AUTS2: variants seen among roughly 807,000 people sequenced by gnomAD.
AUTS2 encodes activator of transcription and developmental regulator AUTS2, also known as autism susceptibility gene 2 protein.
Under a neutral mutation model 112.4 loss-of-function variants are expected in AUTS2, and 17 were observed. The observed-to-expected ratio is 0.15, with a 90% CI of 0.10 to 0.23. The LOEUF (loss-of-function observed/expected upper bound fraction) is 0.23. Among genes scored for constraint, AUTS2 ranks in the 10% least tolerant of loss-of-function variants. AUTS2 has a pLI of 1.00. For synonymous variants in AUTS2, 751 were observed against 702.7 expected, an observed-to-expected ratio of 1.07 and a Z score of -1.09; for missense variants, 1,510 against 1,701.6, an observed-to-expected ratio of 0.89 and a Z score of 1.98.
chr7:70,370,714 CAG>C (rs1792801098), intron 4 of AUTS2, among the ~76,000 whole-genome samples: 1 of 152,178 alleles, frequency 6.6e-6, no homozygotes, highest in South Asian at 2.1e-4. Context: ...AGTGGAACTG[CAG>C]AGTCACTATC....
At chr7:70,389,512 T>C (rs1212606375) in intron 4 of AUTS2, among the ~76,000 whole-genome samples, 1 of 152,186 alleles carries the variant, frequency 6.6e-6, no homozygotes, top group Non-Finnish European at 1.5e-5. Context: ...GGTGGGTGAC[T>C]CTAATGAGCT....
At chr7:70,162,254 G>A (rs979781966) in intron 4 of AUTS2, among the ~76,000 whole-genome samples, 7 of 150,766 alleles carry the variant, frequency 4.6e-5, no homozygotes, top group South Asian at 2.1e-4. Flanking sequence ...AGACCATCCC[G>A]GCTAAAACGG....
chr7:70,299,537 G>A (rs1199694810), intron 4 of AUTS2, among the ~76,000 whole-genome samples: 1 of 152,190 alleles, frequency 6.6e-6, no homozygotes, highest in Non-Finnish European at 1.5e-5. Flanking sequence ...GCTTGAAAAT[G>A]AGCGTGTGGT....
chr7:70,581,421 G>A (rs1214840205), intron 5 of AUTS2, among the ~76,000 whole-genome samples: 2 of 152,162 alleles, frequency 1.3e-5, no homozygotes, highest in Non-Finnish European at 2.9e-5. Flanking sequence ...AGCCGGGTGC[G>A]ATGGCATGTG....
intron 2 of AUTS2, among the ~76,000 whole-genome samples, chr7:69,945,166 T>A (rs1416307798): frequency 6.6e-6 from 1 of 152,186 alleles, no homozygotes; most frequent in Admixed American, 6.5e-5. Flanking sequence ...TTCAGTGATT[T>A]TAGTATATTC....
At chr7:70,050,510 A>AG (rs753557140) in intron 2 of AUTS2, among the ~76,000 whole-genome samples, 70 of 151,930 alleles carry the variant, frequency 4.6e-4, no homozygotes, top group Admixed American at 1.2e-3. Flanking sequence ...CAGCTCTGTT[A>AG]TTAGCCTTCT....
In AUTS2 at chr7:70,308,007, A is replaced by C. The variant is rs1789564861; in HGVS notation, c.661-127745A>C. Reference sequence around the variant, plus strand: ...TCTTCTCTGCCTGCATGTTGCTAAAAATAACTTTTGCTTTGGTATAGAAGT... The same window carrying C: ...TCTTCTCTGCCTGCATGTTGCTAAACATAACTTTTGCTTTGGTATAGAAGT... On this transcript the variant is annotated intron_variant, in intron 4 of 18. Coordinates refer to ENST00000342771, the MANE Select transcript of AUTS2 (RefSeq NM_015570.4). Among the ~76,000 whole-genome samples, 8 of 152,338 alleles carry C rather than the reference A, an allele frequency of 5.3e-5. No homozygotes were observed. In the South Asian group the frequency reaches 1.7e-3, roughly 32 times the overall value.
intron 1 of AUTS2, among the ~76,000 whole-genome samples, chr7:69,634,074 C>T (rs183767550): frequency 1.1e-3 from 173 of 151,666 alleles, no homozygotes; most frequent in Non-Finnish European, 1.9e-3. Flanking sequence ...TATTGTTTCT[C>T]GTTAGTTAGT....
rs898696934 is a variant in AUTS2 at position 69,598,893 on chromosome 7, C to T, written c.-761C>T. The T allele has an allele frequency of 1.5e-4, 23 of 153,834 alleles. No individual in the cohort carries two copies. Among genetic ancestry groups the T allele is most frequent in the Non-Finnish European group, 3.2e-4 (22 of 69,456 alleles). 9.5% of individuals were successfully genotyped at this position (153,834 alleles called of 1,614,324 possible). A position where few individuals can be genotyped will look rare whatever the true frequency, so the allele number is the denominator to read the frequency against. On this transcript the variant is annotated 5_prime_UTR_variant, in exon 1 of 19. Transcript: ENST00000342771. Reference sequence around the variant, plus strand: ...ACTGCTCCAGCAGCATCCTCCTTCCCTTCCTCCGCCTCCCTTCTCCTCCGC... The same window carrying T: ...ACTGCTCCAGCAGCATCCTCCTTCCTTTCCTCCGCCTCCCTTCTCCTCCGC...
chr7:70,041,191 C>G (rs933663387), intron 2 of AUTS2, among the ~76,000 whole-genome samples: 12 of 152,160 alleles, frequency 7.9e-5, no homozygotes, highest in Non-Finnish European at 1.5e-4. Flanking sequence ...AAGAGGAAAA[C>G]TTCCTATGTG....
chr7:70,010,788 G>T (rs1189649182), intron 2 of AUTS2, among the ~76,000 whole-genome samples: 3 of 152,140 alleles, frequency 2.0e-5, no homozygotes, highest in African/African-American at 7.2e-5. Context: ...ATATTCTCCA[G>T]TATCACCAAA....
At chr7:70,215,828 A>C (rs762263888) in intron 4 of AUTS2, among the ~76,000 whole-genome samples, 22 of 152,224 alleles carry the variant, frequency 1.4e-4, no homozygotes, top group African/African-American at 5.3e-4. Flanking sequence ...GTCAGAGGTC[A>C]TAAGCTCATA....
At chr7:70,741,326 A>G (rs1307459104) in intron 6 of AUTS2, among the ~76,000 whole-genome samples, 4 of 151,866 alleles carry the variant, frequency 2.6e-5, no homozygotes, top group Admixed American at 6.6e-5. Flanking sequence ...CCAAAAATTT[A>G]TCACTGACAG....
At chr7:70,459,339 G>A (rs1436446549) in intron 5 of AUTS2, among the ~76,000 whole-genome samples, 1 of 152,124 alleles carries the variant, frequency 6.6e-6, no homozygotes, top group African/African-American at 2.4e-5. Flanking sequence ...TGGAATAAGC[G>A]CCCAGGAGAA....
chr7:70,543,957 T>G (rs555477431), intron 5 of AUTS2, among the ~76,000 whole-genome samples: 105 of 152,270 alleles, frequency 6.9e-4, no homozygotes, highest in African/African-American at 2.4e-3. Context: ...CTTTCAGGCT[T>G]TGGTGAATTA....
intron 2 of AUTS2, among the ~76,000 whole-genome samples, chr7:70,077,053 G>T (rs567733111): frequency 6.6e-6 from 1 of 152,182 alleles, no homozygotes; most frequent in Non-Finnish European, 1.5e-5. Context: ...ATTCTGGGGG[G>T]TCCTGGAGGA....
chr7:70,628,583 C>T (rs1805086943), intron 5 of AUTS2, among the ~76,000 whole-genome samples: 3 of 151,712 alleles, frequency 2.0e-5, no homozygotes, highest in African/African-American at 7.3e-5. Context: ...CCTCCCCCTC[C>T]CCCCCAAAAA....
intron 2 of AUTS2, among the ~76,000 whole-genome samples, chr7:70,039,225 T>C (rs531553328): frequency 1.4e-4 from 21 of 152,290 alleles, no homozygotes; most frequent in African/African-American, 5.1e-4. Context: ...TTTATTTAAC[T>C]TAGTTATAAT....
At chr7:69,745,175 CGCCTCGTGTAT>C (rs1371799093) in intron 1 of AUTS2, among the ~76,000 whole-genome samples, 28 of 152,184 alleles carry the variant, frequency 1.8e-4, no homozygotes, top group Non-Finnish European at 3.2e-4. Flanking sequence ...CCTCTCCCTA[CGCCTCGTGTAT>C]AGATTGGGCT....
Sources: gnomAD v4.1 joint callset for allele counts (sites outside exome capture counted in the v4.1 genomes callset) on GRCh38, gnomAD v4.1.1 for gene constraint, MANE v1.5 for transcripts, NCBI Gene and HGNC (gene_info 2026-07-23, HGNC 2026-07-21) for gene names.